The following SYN3 variants were observed in gnomAD, a reference collection of about 807,000 sequenced individuals.
The protein encoded by SYN3 is synapsin III.
Under a neutral mutation model 65.8 loss-of-function variants are expected in SYN3, and 35 were observed. That is an observed-to-expected ratio of 0.53 (90% confidence interval 0.41 to 0.70). The LOEUF is 0.70. SYN3 is among the 30% of genes least tolerant of loss of function. The pLI is 0.00. For synonymous variants in SYN3, 270 were observed against 292.9 expected (o/e 0.92, Z 0.80); for missense variants, 680 against 749.0 (o/e 0.91, Z 1.08).
chr22:32,902,124 C>T (rs2049777043), intron 4 of SYN3, among the ~76,000 whole-genome samples: 1 of 152,222 alleles, frequency 6.6e-6, no homozygotes, highest in Non-Finnish European at 1.5e-5. Flanking sequence ...AGGCACCTTC[C>T]AGGCAGCCCC....
chr22:33,032,285 A>C (rs2053769161), intron 1 of SYN3, among the ~76,000 whole-genome samples: 1 of 151,668 alleles, frequency 6.6e-6, no homozygotes, highest in African/African-American at 2.4e-5. Context: ...AAGCAGGTGG[A>C]TCACATGAGG....
chr22:32,920,603 C>CA (rs2050311487), intron 4 of SYN3, among the ~76,000 whole-genome samples: 1 of 152,200 alleles, frequency 6.6e-6, no homozygotes, highest in South Asian at 2.1e-4. Flanking sequence ...TGGCCATTTA[C>CA]AAAGCACTCC....
intron 1 of SYN3, among the ~76,000 whole-genome samples, chr22:33,048,133 C>T (rs567017515): frequency 2.0e-5 from 3 of 152,244 alleles, no homozygotes; most frequent in African/African-American, 7.2e-5. Context: ...TTTCAAAGAC[C>T]AGCATGGACC....
Position 32,513,337 on chromosome 22 carries a change from G to A in SYN3, c.*355C>T, listed in dbSNP as rs78098885. The A allele has an allele frequency of 4.4e-3, 903 of 204,000 alleles. 6 individuals carry two copies. Among genetic ancestry groups the A allele is most frequent in the African/African-American group, 0.018 (795 of 43,926 alleles). The allele number at this position is 204,000 out of a possible 1,614,324, so 12.6% of individuals were successfully genotyped here. Reference sequence around the variant, plus strand: ...CTAGAGGGGGCCTTTGCCCAAAGGTGAGCCAAACACTAGTAAGAATGTGAA... The same window carrying A: ...CTAGAGGGGGCCTTTGCCCAAAGGTAAGCCAAACACTAGTAAGAATGTGAA... On this transcript the variant is annotated 3_prime_UTR_variant, in exon 14 of 14. Transcript: ENST00000358763.
At chr22:32,575,223 T>A (rs1439678246) in intron 7 of SYN3, among the ~76,000 whole-genome samples, 4 of 152,176 alleles carry the variant, frequency 2.6e-5, no homozygotes, top group Non-Finnish European at 5.9e-5. Flanking sequence ...GGGCTCAAAG[T>A]CAAAAGAGCA....
intron 6 of SYN3, among the ~76,000 whole-genome samples, chr22:32,610,232 G>A (rs2059422956): frequency 1.3e-5 from 2 of 152,078 alleles, no homozygotes; most frequent in African/African-American, 4.8e-5. Context: ...AGTGAGCCAA[G>A]ATTGCACCGC....
In SYN3 at chr22:32,798,881, C is replaced by T. The variant is rs546652369; in HGVS notation, c.711+66034G>A. The stretch of plus-strand genomic sequence containing the variant: ...TAATTTTTTGTGTTGTTAGTACAGA[C>T]GGGGTTTCACCATGTTAGCCAGGAT... On this transcript the variant is annotated intron_variant, in intron 6 of 13. Coordinates refer to ENST00000358763, the MANE Select transcript of SYN3 (RefSeq NM_003490.4). Among the ~76,000 whole-genome samples, 18 of 151,978 alleles carry T rather than the reference C, an allele frequency of 1.2e-4. No homozygotes were observed. In the East Asian group the frequency reaches 2.9e-3, roughly 25 times the overall value.
intron 6 of SYN3, among the ~76,000 whole-genome samples, chr22:32,727,458 G>A (rs2413145): frequency 0.32 from 49,171 of 152,122 alleles, 8,138 homozygotes; most frequent in South Asian, 0.45. Context: ...GAATAGTGCT[G>A]CATACACATA....
At chr22:32,719,809 A>G (rs2061090985) in intron 6 of SYN3, among the ~76,000 whole-genome samples, 1 of 152,222 alleles carries the variant, frequency 6.6e-6, no homozygotes, top group African/African-American at 2.4e-5. Context: ...GACTGCAGCC[A>G]CTGCACTGGG....
intron 6 of SYN3, among the ~76,000 whole-genome samples, chr22:32,830,799 C>T (rs1275215698): frequency 2.0e-5 from 3 of 152,148 alleles, no homozygotes; most frequent in East Asian, 3.9e-4. Flanking sequence ...TCTCTGTGGC[C>T]CCTGGCTTCT....
chr22:32,929,476 T>C (rs910227443), intron 4 of SYN3, among the ~76,000 whole-genome samples: 1 of 152,224 alleles, frequency 6.6e-6, no homozygotes, highest in African/African-American at 2.4e-5. Flanking sequence ...TGGTTATCTT[T>C]GACTACGTAC....
At chr22:32,571,527 T>C (rs1003382040) in intron 7 of SYN3, among the ~76,000 whole-genome samples, 2 of 152,100 alleles carry the variant, frequency 1.3e-5, no homozygotes, top group African/African-American at 4.8e-5. Context: ...TATTAATGGG[T>C]TATAGTGGAT....
intron 6 of SYN3, among the ~76,000 whole-genome samples, chr22:32,663,178 G>A (rs1016154594): frequency 1.2e-4 from 18 of 152,074 alleles, no homozygotes; most frequent in African/African-American, 4.1e-4. Context: ...AACCCCTTTC[G>A]CTTGGCTCTC....
intron 6 of SYN3, among the ~76,000 whole-genome samples, chr22:32,788,618 A>C (rs1016511520): frequency 6.6e-6 from 1 of 152,220 alleles, no homozygotes; most frequent in Admixed American, 6.5e-5. Flanking sequence ...ATTAGATATT[A>C]TAAGTAATCT....
chr22:32,676,097 C>T (rs1037135337), intron 6 of SYN3, among the ~76,000 whole-genome samples: 1 of 152,248 alleles, frequency 6.6e-6, no homozygotes, highest in Non-Finnish European at 1.5e-5. Context: ...TCAGATGATA[C>T]TGGCCCAAGA....
At chr22:32,834,356 T>C (rs1463685136) in intron 6 of SYN3, among the ~76,000 whole-genome samples, 3 of 151,568 alleles carry the variant, frequency 2.0e-5, no homozygotes, top group African/African-American at 7.3e-5. Flanking sequence ...AGAAACGGGG[T>C]TCCACCGTGT....
At chr22:32,990,398 AT>A (rs1355736521) in intron 2 of SYN3, among the ~76,000 whole-genome samples, 3 of 131,122 alleles carry the variant, frequency 2.3e-5, no homozygotes, top group Non-Finnish European at 3.2e-5. Context: ...CCATCCATCC[AT>A]CCATCCAGCC....
intron 2 of SYN3, among the ~76,000 whole-genome samples, chr22:32,987,610 G>A (rs1214008721): frequency 1.3e-5 from 2 of 152,192 alleles, no homozygotes; most frequent in Non-Finnish European, 2.9e-5. Context: ...ATGCCTGTAT[G>A]GGGATCTGCG....
chr22:32,826,564 G>C (rs2047419803), intron 6 of SYN3, among the ~76,000 whole-genome samples: 1 of 152,186 alleles, frequency 6.6e-6, no homozygotes, highest in South Asian at 2.1e-4. Context: ...TATCTGCATT[G>C]TACAGATGAC....
Sources: gnomAD v4.1 joint callset for allele counts (sites outside exome capture counted in the v4.1 genomes callset) on GRCh38, gnomAD v4.1.1 for gene constraint, MANE v1.5 for transcripts, NCBI Gene and HGNC (gene_info 2026-07-23, HGNC 2026-07-21) for gene names.